The following DPP4 variants were observed in gnomAD, a reference collection of about 807,000 sequenced individuals.
DPP4 encodes dipeptidyl peptidase 4.
A neutral mutation model predicts 122.4 loss-of-function variants in DPP4; 93 were observed. The ratio of observed to expected loss-of-function variants is 0.76; its 90% CI spans 0.64 to 0.90. DPP4 has a LOEUF of 0.90. DPP4 is among the 40% of genes least tolerant of loss of function. The pLI is 0.00. For synonymous variants in DPP4, 321 were observed against 302.9 expected, an observed-to-expected ratio of 1.06 and a Z score of -0.62; for missense variants, 914 against 907.3, an observed-to-expected ratio of 1.01 and a Z score of -0.09.
chr2:162,024,864 G>T lies in DPP4; in HGVS notation c.963C>A (p.Asn321Lys). ...AGTCACAAATATCCATGACCGAATA[G>T]TTCTGAATCCTCCTGAGCCACTGCA... ...ISLQWLRRIQ[N>K]YSVMDICDYD... The change falls in exon 11 of 26, where the codon AAC becomes AAA. Residue 321 changes from asparagine (N) to lysine (K), a missense_variant. Transcript: ENST00000360534. 1 of 1,613,914 alleles carries T rather than the reference G, an allele frequency of 6.2e-7. No homozygotes were observed. The highest frequency in any genetic ancestry group is 8.5e-7 in the Non-Finnish European group (1 of 1,180,016).
intron 4 of DPP4, among the ~76,000 whole-genome samples, chr2:162,046,114 T>C (rs1684165771): frequency 6.6e-6 from 1 of 152,220 alleles, no homozygotes; most frequent in Admixed American, 6.5e-5. Context: ...TTTACAAAGA[T>C]ACTCTGGTGA....
chr2:162,024,947 GAAGA>G lies in DPP4; in HGVS notation c.888-12_888-9del, dbSNP rs1443091857. The G allele has an allele frequency of 5.6e-6, 9 of 1,611,896 alleles. No homozygotes were observed. The African/African-American group carries it at 8.0e-5, about 14-fold the overall frequency. On this transcript the variant is annotated splice_polypyrimidine_tract_variant and intron_variant, in intron 10 of 25. Transcript: ENST00000360534. The stretch of plus-strand genomic sequence containing the variant: ...TCACACAAGTAGTGATCCCTGGAAG[GAAGA>G]AAGAAAGGAAGGACAGAGAGAGAGA...
intron 11 of DPP4, among the ~76,000 whole-genome samples, chr2:162,023,756 C>A (rs2106106195): frequency 6.6e-6 from 1 of 152,288 alleles, no homozygotes; most frequent in South Asian, 2.1e-4. Flanking sequence ...AAGCAAAGAG[C>A]TTGGGTTTTG....
At chr2:162,018,970 T>G in intron 15 of DPP4, 120 bp from the exon 16 acceptor site, 3 of 1,300,724 alleles carry the variant, frequency 2.3e-6, no homozygotes, top group Non-Finnish European at 3.2e-6. Flanking sequence ...TTTAGGACTT[T>G]TTTTTTTTTA....
In DPP4 at chr2:162,008,602, A is replaced by T. The variant is rs201024370; in HGVS notation, c.1947T>A (p.Cys649Ter). 285 of 1,613,504 alleles carry T rather than the reference A, an allele frequency of 1.8e-4. No individual in the cohort carries two copies. Among genetic ancestry groups the T allele is most frequent in the Non-Finnish European group, 2.3e-4 (267 of 1,179,736 alleles). Residue 649 changes from cysteine to a stop codon, truncating the protein, a stop_gained, in exon 22 of 26, where the codon TGT (cysteine) becomes TGA (stop). Coordinates refer to ENST00000360534, the MANE Select transcript of DPP4 (RefSeq NM_001935.4). LOFTEE classifies it high-confidence loss of function. ...VLGSGSGVFK[C>*]GIAVAPVSRW... Reference sequence around the variant, plus strand: ...GGGATACAGGCGCCACGGCTATTCCACACTTGAACACGCCACTTCCCGATC... The same window carrying T: ...GGGATACAGGCGCCACGGCTATTCCTCACTTGAACACGCCACTTCCCGATC...
chr2:162,074,142 G>A lies in DPP4; in HGVS notation c.-161C>T. 1 of 1,389,016 alleles carries A rather than the reference G, an allele frequency of 7.2e-7. No homozygotes were observed. 86.0% of individuals were successfully genotyped at this position (1,389,016 alleles called of 1,614,324 possible). ...TTAAACATTAGTGAGCGCCGAGCCC[G>A]CTGGGTATAAAGGCGCCGCGGGCAG... On this transcript the variant is annotated 5_prime_UTR_variant, in exon 1 of 26. Coordinates refer to ENST00000360534, the MANE Select transcript of DPP4 (RefSeq NM_001935.4).
At chr2:162,046,416 T>C (rs1684175257) in intron 4 of DPP4, among the ~76,000 whole-genome samples, 1 of 152,098 alleles carries the variant, frequency 6.6e-6, no homozygotes, top group Admixed American at 6.5e-5. Flanking sequence ...TTACCAATAC[T>C]GGGAACTCAC....
intron 20 of DPP4, among the ~76,000 whole-genome samples, chr2:162,009,774 A>C (rs903237002): frequency 6.6e-6 from 1 of 152,098 alleles, no homozygotes; most frequent in Admixed American, 6.6e-5. Flanking sequence ...CTTAAACACC[A>C]TTCTCTAAAT....
chr2:162,025,620 A>C (rs1304108518), intron 10 of DPP4, among the ~76,000 whole-genome samples: 1 of 152,138 alleles, frequency 6.6e-6, no homozygotes, highest in Non-Finnish European at 1.5e-5. Context: ...AAATTTTTGG[A>C]ACCACCTTCT....
chr2:162,038,391 T>G lies in DPP4; in HGVS notation c.524A>C (p.Lys175Thr). The G allele has an allele frequency of 6.2e-7, 1 of 1,609,320 alleles. No individual in the cohort carries two copies. The highest frequency in any genetic ancestry group is 1.1e-5 in the South Asian group (1 of 90,282). ...GTAACTTGGTAAATTTGGTTCAATT[T>G]TAACATAAATGTCATTGTTCCAAAC... The part of the protein sequence containing the change: ...AYVWNNDIYV[K>T]IEPNLPSYRI... The change falls in exon 8 of 26, where the codon AAA (lysine) becomes ACA (threonine). Residue 175 changes from lysine to threonine, a missense_variant. Physicochemically the swap from Lys to Thr is moderately conservative, Grantham distance 78 (BLOSUM62 -1). Coordinates refer to ENST00000360534, the MANE Select transcript of DPP4 (RefSeq NM_001935.4).
At chr2:162,005,711 G>C in intron 23 of DPP4, 34 bp downstream of exon 23, 1 of 1,555,090 alleles carries the variant, frequency 6.4e-7, no homozygotes, top group Non-Finnish European at 8.8e-7. Flanking sequence ...CTTATAAATA[G>C]GTTATAAAAT....
intron 5 of DPP4, among the ~76,000 whole-genome samples, chr2:162,045,045 A>C (rs905274089): frequency 6.7e-6 from 1 of 149,642 alleles, no homozygotes; most frequent in African/African-American, 2.5e-5. Context: ...GTAGCTTCCA[A>C]CTCCTGGGCT....
At chr2:162,073,167 A>G (rs1685176340) in intron 2 of DPP4, 1 of 424,830 alleles carries the variant, frequency 2.4e-6, no homozygotes, top group East Asian at 3.2e-5. Context: ...TGCATTTATT[A>G]TACATAACAA....
chr2:162,073,443 A>G lies in DPP4; in HGVS notation c.50T>C (p.Leu17Pro). 1 of 1,614,108 alleles carries G rather than the reference A, an allele frequency of 6.2e-7. No individual in the cohort carries two copies. The highest frequency in any genetic ancestry group is 1.3e-5 in the African/African-American group (1 of 75,054). The change falls in exon 2 of 26, where the codon CTT becomes CCT. Residue 17 changes from leucine (L) to proline (P), a missense_variant. Leu to Pro is a moderately conservative substitution (Grantham distance 98). Coordinates refer to ENST00000360534, the MANE Select transcript of DPP4 (RefSeq NM_001935.4). ...VLLGLLGAAA[L>P]VTIITVPVVL... ...CACGGGCACGGTGATGATGGTGACA[A>G]GCGCAGCAGCACCCAGCAGTCCCAG... is the stretch of plus-strand genomic sequence containing the variant.
At chr2:161,995,269 A>G (rs773897077) in intron 24 of DPP4, 31 bp downstream of exon 24, 1 of 1,593,162 alleles carries the variant, frequency 6.3e-7, no homozygotes, top group South Asian at 1.1e-5. Flanking sequence ...CCTGTCTGTG[A>G]TACTAAAAAG....
At chr2:162,031,961 A>G (rs1482080974) in intron 10 of DPP4, 1 of 152,158 alleles carries the variant, frequency 6.6e-6, no homozygotes, top group Non-Finnish European at 1.5e-5. Context: ...ATTTTTAAAA[A>G]CTTACTAATC....
chr2:162,053,618 C>T (rs775288781), intron 2 of DPP4, among the ~76,000 whole-genome samples: 12 of 152,158 alleles, frequency 7.9e-5, no homozygotes, highest in Admixed American at 1.3e-4. Flanking sequence ...CTCCCCTGCA[C>T]CTCCTTGTCT....
intron 2 of DPP4, among the ~76,000 whole-genome samples, chr2:162,056,103 T>C (rs1347113056): frequency 1.3e-5 from 2 of 152,360 alleles, no homozygotes; most frequent in East Asian, 3.9e-4. Flanking sequence ...TTCCCTGGAC[T>C]AGCACTGCAG....
intron 2 of DPP4, among the ~76,000 whole-genome samples, chr2:162,062,187 C>T (rs531102879): frequency 1.5e-4 from 22 of 151,418 alleles, no homozygotes; most frequent in Admixed American, 3.3e-4. Flanking sequence ...GAGGCTGAGG[C>T]GGGAGAATCG....
Sources: allele counts gnomAD v4.1 joint callset (sites outside exome capture counted in the v4.1 genomes callset), GRCh38; gene constraint gnomAD v4.1.1; transcripts MANE v1.5; gene names NCBI Gene and HGNC (gene_info 2026-07-23, HGNC 2026-07-21).